The following PRR27 variants were observed in gnomAD, a reference collection of about 807,000 sequenced individuals.
PRR27 encodes the protein proline-rich protein 27.
A neutral mutation model predicts 16.8 loss-of-function variants in PRR27; 12 were observed. That is an observed-to-expected ratio of 0.71 (90% CI 0.46 to 1.16). The LOEUF is 1.16. Ranked by LOEUF, PRR27 falls within the 50% of genes most tolerant of loss-of-function variation. The pLI, the probability that PRR27 is intolerant of heterozygous loss-of-function variation, is 0.00. For missense variants in PRR27, 277 were observed against 273.3 expected (o/e 1.01, Z -0.10); for synonymous variants, 100 against 98.4 (o/e 1.02, Z -0.10).
chr4:70,161,154 CTGTATATATA>C (rs1359530206), intron 3 of PRR27, among the ~76,000 whole-genome samples: 2 of 8,670 alleles, frequency 2.3e-4, no homozygotes, highest in African/African-American at 4.4e-4. Flanking sequence ...ATTATGAACA[CTGTATATATA>C]TATATATATA....
intron 3 of PRR27, among the ~76,000 whole-genome samples, chr4:70,160,759 T>C (rs1039884003): frequency 1.3e-4 from 20 of 149,842 alleles, no homozygotes; most frequent in Non-Finnish European, 2.7e-4. Flanking sequence ...AAAAAAAATG[T>C]AAGAAGCAGC....
Position 70,158,216 on chromosome 4 carries a change from T to C in PRR27, c.76-112T>C, listed in dbSNP as rs539848913. ...CACTAGACTTAAGAAAGATAAGACA[T>C]TGGAATTCTTTCAAAATATCATTAC... On this transcript the variant is annotated intron_variant, in intron 2 of 4. Transcript: ENST00000344526. The C allele has an allele frequency of 8.3e-6, 6 of 723,420 alleles. No individual in the cohort carries two copies. In the East Asian group the frequency reaches 1.0e-4, roughly 12 times the overall value. 44.8% of individuals were successfully genotyped at this position (723,420 alleles called of 1,614,324 possible). A position where few individuals can be genotyped will look rare whatever the true frequency, so the allele number is the denominator to read the frequency against.
intron 4 of PRR27, 60 bp downstream of exon 4, chr4:70,161,690 T>C: frequency 1.3e-6 from 1 of 759,198 alleles, no homozygotes; most frequent in Non-Finnish European, 2.1e-6. Flanking sequence ...AATCTCATAA[T>C]CTGAAGCTAC....
At chr4:70,162,669 GA>G (rs1728675611) in intron 4 of PRR27, 25 bp from the exon 5 acceptor site, 1 of 152,082 alleles carries the variant, frequency 6.6e-6, no homozygotes, top group South Asian at 2.1e-4. Flanking sequence ...TTATTATACT[GA>G]ACCAATGTTA....
intron 1 of PRR27, among the ~76,000 whole-genome samples, chr4:70,155,178 T>C (rs1418846052): frequency 4.6e-5 from 7 of 152,166 alleles, no homozygotes; most frequent in Non-Finnish European, 8.8e-5. Context: ...TAAAATTAGA[T>C]AAATGAAGCT....
intron 1 of PRR27, 151 bp downstream of exon 1, chr4:70,154,577 C>T: frequency 1.1e-6 from 1 of 870,046 alleles, no homozygotes. Context: ...TCAGACTTTT[C>T]AACGGAAAAT....
At chr4:70,159,922 C>T (rs1342336954) in intron 3 of PRR27, among the ~76,000 whole-genome samples, 2 of 151,946 alleles carry the variant, frequency 1.3e-5, no homozygotes, top group Admixed American at 6.6e-5. Flanking sequence ...TTGTGAGTAC[C>T]AATTGTTGTT....
intron 3 of PRR27, among the ~76,000 whole-genome samples, chr4:70,159,730 G>T (rs943913002): frequency 6.6e-6 from 1 of 152,114 alleles, no homozygotes; most frequent in Non-Finnish European, 1.5e-5. Flanking sequence ...ATTCTGGAAT[G>T]CTATTAGGTT....
At chr4:70,156,772 T>C (rs1728491139) in intron 2 of PRR27, among the ~76,000 whole-genome samples, 1 of 152,210 alleles carries the variant, frequency 6.6e-6, no homozygotes, top group South Asian at 2.1e-4. Flanking sequence ...ATCTGTGATG[T>C]GCACACTTTT....
At chr4:70,155,543 T>C (rs941112871) in intron 1 of PRR27, among the ~76,000 whole-genome samples, 19 of 152,108 alleles carry the variant, frequency 1.2e-4, no homozygotes, top group South Asian at 4.1e-4. Context: ...TAATTTTTTG[T>C]ATCTTTAGTA....
chr4:70,165,203 A>G lies in PRR27; in HGVS notation c.*2542A>G, dbSNP rs1187641627. 1 of 152,102 alleles carries G rather than the reference A, an allele frequency of 6.6e-6. No individual in the cohort carries two copies. Among genetic ancestry groups the G allele is most frequent in the Non-Finnish European group, 1.5e-5 (1 of 67,948 alleles). The allele number at this position is 152,102 out of a possible 1,614,324, so 9.4% of individuals were successfully genotyped here. ...ACACAGAAAAGTCATCCAAACCAGA[A>G]GATTGGGAACTTCCTCAATTACTTT... On this transcript the variant is annotated 3_prime_UTR_variant, in exon 5 of 5. Transcript: ENST00000344526.
intron 1 of PRR27, among the ~76,000 whole-genome samples, chr4:70,155,618 C>T (rs149878574): frequency 0.043 from 6,615 of 152,152 alleles, 502 homozygotes; most frequent in African/African-American, 0.15. Flanking sequence ...TCCGCCCCCT[C>T]GGCCTCCCAA....
chr4:70,161,830 T>C (rs934508905), intron 4 of PRR27, among the ~76,000 whole-genome samples, 200 bp downstream of exon 4: 37 of 152,326 alleles, frequency 2.4e-4, no homozygotes, highest in African/African-American at 8.4e-4. Context: ...AGGCTACTTT[T>C]GAACAAATAG....
intron 2 of PRR27, among the ~76,000 whole-genome samples, chr4:70,157,953 G>A (rs1461916961): frequency 6.6e-6 from 1 of 151,078 alleles, no homozygotes; most frequent in Non-Finnish European, 1.5e-5. Flanking sequence ...AGTGCTGAGC[G>A]CAGTGGGAAA....
chr4:70,157,773 C>A (rs1728523113), intron 2 of PRR27, among the ~76,000 whole-genome samples: 1 of 152,054 alleles, frequency 6.6e-6, no homozygotes, highest in Non-Finnish European at 1.5e-5. Context: ...CCCTCTTCGG[C>A]CTCCCAATCT....
chr4:70,163,135 A>C lies in PRR27; in HGVS notation c.*474A>C, dbSNP rs1441147907. 6.6e-6 allele frequency: 1 copy of C among 152,204 alleles called. No individual in the cohort carries two copies. Among genetic ancestry groups the C allele is most frequent in the African/African-American group, 2.4e-5 (1 of 41,446 alleles). 9.4% of individuals were successfully genotyped at this position (152,204 alleles called of 1,614,324 possible). A position where few individuals can be genotyped will look rare whatever the true frequency, so the allele number is the denominator to read the frequency against. Reference sequence around the variant, plus strand: ...ATCCATGACTTAATGGACAGTTCAAATGTGACATCTACAGTTTTTCATTTC... The same window carrying C: ...ATCCATGACTTAATGGACAGTTCAACTGTGACATCTACAGTTTTTCATTTC... On this transcript the variant is annotated 3_prime_UTR_variant, in exon 5 of 5. Transcript: ENST00000344526.
chr4:70,162,415 C>T (rs1251018060), intron 4 of PRR27, among the ~76,000 whole-genome samples: 2 of 152,172 alleles, frequency 1.3e-5, no homozygotes, highest in Admixed American at 6.6e-5. Flanking sequence ...TAAACCTTGA[C>T]TATTGCTATA....
rs1261049168 is a variant in PRR27, at chr4:70,166,433, A to G, written c.*3772A>G. 1 of 152,088 alleles carries G rather than the reference A, an allele frequency of 6.6e-6. No homozygotes were observed. The highest frequency in any genetic ancestry group is 2.4e-5 in the African/African-American group (1 of 41,446). The allele number at this position is 152,088 out of a possible 1,614,324, so 9.4% of individuals were successfully genotyped here. On this transcript the variant is annotated 3_prime_UTR_variant, in exon 5 of 5. Transcript: ENST00000344526. ...ACTGAAATAAAAAATTATAAGAGAA[A>G]ATACTATTTTCCACCAATATCACAA...
Position 70,158,382 on chromosome 4 carries a change from A to G in PRR27, c.130A>G (p.Ile44Val), listed in dbSNP as rs1612460. 159,317 of 1,612,818 alleles carry G rather than the reference A, an allele frequency of 0.099. 8,815 individuals are homozygous for G. The highest frequency in any genetic ancestry group is 0.11 in the Non-Finnish European group (135,423 of 1,178,880). The change falls in exon 3 of 5, where the codon ATA becomes GTA. Residue 44 changes from isoleucine to valine, a missense_variant. Coordinates refer to ENST00000344526, the MANE Select transcript of PRR27 (RefSeq NM_214711.4). The stretch of plus-strand genomic sequence containing the variant: ...TCCATCTCTGAATATTCCTTATGGC[A>G]TACGGAATTTACCACCTCCTCTTTA... ...LHPSLNIPYG[I>V]RNLPPPLYYR...
Sources: allele counts gnomAD v4.1 joint callset (sites outside exome capture counted in the v4.1 genomes callset), GRCh38; gene constraint gnomAD v4.1.1; transcripts MANE v1.5; gene names NCBI Gene and HGNC (gene_info 2026-07-23, HGNC 2026-07-21).